DUSP14: variants seen among roughly 807,000 people sequenced by gnomAD.
The protein encoded by DUSP14 is dual specificity phosphatase 14.
DUSP14 carries 5 observed loss-of-function variants against 13.2 expected under a neutral mutation model. The observed-to-expected ratio is 0.38, with a 90% CI of 0.20 to 0.80. The LOEUF (loss-of-function observed/expected upper bound fraction) is 0.80. Among genes scored for constraint, DUSP14 ranks in the 30% least tolerant of loss-of-function variants. The pLI, the probability that DUSP14 is intolerant of heterozygous loss-of-function variation, is 0.44. For missense variants in DUSP14, 185 were observed against 264.0 expected (o/e 0.70, Z 2.07); for synonymous variants, 91 against 103.4 (o/e 0.88, Z 0.73).
intron 1 of DUSP14, among the ~76,000 whole-genome samples, chr17:37,498,369 C>T (rs2054080906): frequency 7.7e-6 from 1 of 129,622 alleles, no homozygotes; most frequent in Non-Finnish European, 1.5e-5. Flanking sequence ...CTCTGTCGCC[C>T]AGGCTGGAGT....
chr17:37,511,002 ATATC>A (rs912141750), intron 2 of DUSP14, among the ~76,000 whole-genome samples: 1 of 146,380 alleles, frequency 6.8e-6, no homozygotes, highest in African/African-American at 2.5e-5. Context: ...TATATAATAT[ATATC>A]AATATATATG....
intron 1 of DUSP14, among the ~76,000 whole-genome samples, chr17:37,509,146 C>A: frequency 2.3e-5 from 1 of 43,852 alleles, no homozygotes; most frequent in Non-Finnish European, 3.7e-5. Context: ...CACACACACA[C>A]ACACACACAC....
chr17:37,496,915 C>CAAA (rs71135730), intron 1 of DUSP14, among the ~76,000 whole-genome samples: 1 of 98,640 alleles, frequency 1.0e-5, no homozygotes, highest in Non-Finnish European at 2.0e-5. Context: ...GACTCTGTCT[C>CAAA]AAAAAAAAAA....
At chr17:37,500,817 CTTG>C (rs1271222229) in intron 1 of DUSP14, among the ~76,000 whole-genome samples, 1 of 152,202 alleles carries the variant, frequency 6.6e-6, no homozygotes, top group Non-Finnish European at 1.5e-5. Flanking sequence ...CGAAGACCAT[CTTG>C]TACCACCAAC....
intron 1 of DUSP14, among the ~76,000 whole-genome samples, chr17:37,509,133 ACAC>A (rs2054159353): frequency 1.7e-4 from 6 of 35,314 alleles, no homozygotes; most frequent in Admixed American, 3.9e-4. Context: ...ATATATACAC[ACAC>A]ACACACACAC....
rs2054194666 is a variant in DUSP14 at position 37,512,316 on chromosome 17, C to A, written c.44C>A (p.Ala15Asp). The change falls in exon 3 of 3, where the codon GCC becomes GAC. Residue 15 changes from alanine to aspartate, a missense_variant. Coordinates refer to ENST00000617516, the MANE Select transcript of DUSP14 (RefSeq NM_007026.4). This position sits in a 1 kb window ranked among gnomAD's most constrained non-coding sequence, Gnocchi z 4.8. Reference sequence around the variant, plus strand: ...AGCACGCTACCAAGGACTCTCATGGCCCCTCGGATGATTTCCGAGGGAGAC... The same window carrying A: ...AGCACGCTACCAAGGACTCTCATGGACCCTCGGATGATTTCCGAGGGAGAC... Reference protein sequence around the residue: ...GHSTLPRTLMAPRMISEGDIG... With the variant: ...GHSTLPRTLMDPRMISEGDIG... 1 of 1,613,638 alleles carries A rather than the reference C, an allele frequency of 6.2e-7. No individual in the cohort carries two copies. The highest frequency in any genetic ancestry group is 8.5e-7 in the Non-Finnish European group (1 of 1,179,734).
intron 1 of DUSP14, among the ~76,000 whole-genome samples, chr17:37,508,970 G>A (rs1178031591): frequency 1.4e-5 from 2 of 144,902 alleles, no homozygotes; most frequent in Non-Finnish European, 3.0e-5. Flanking sequence ...TCATCAGTAG[G>A]TGAATGGATA....
At chr17:37,499,796 C>T (rs2054093607) in intron 1 of DUSP14, among the ~76,000 whole-genome samples, 2 of 152,314 alleles carry the variant, frequency 1.3e-5, no homozygotes, top group South Asian at 2.1e-4. Flanking sequence ...TCCCAAAGTG[C>T]TAGGATTACA....
intron 1 of DUSP14, among the ~76,000 whole-genome samples, chr17:37,495,066 G>A (rs1244974545): frequency 1.3e-5 from 2 of 152,230 alleles, no homozygotes; most frequent in African/African-American, 2.4e-5. Context: ...GAAGTCGTTA[G>A]TATGAGAACC....
intron 1 of DUSP14, among the ~76,000 whole-genome samples, chr17:37,496,805 A>G (rs907415576): frequency 3.2e-4 from 48 of 151,476 alleles, no homozygotes; most frequent in Admixed American, 4.6e-4. Context: ...AATCTCAGCT[A>G]CTTGGGAGAC....
chr17:37,499,839 T>C (rs2054093817), intron 1 of DUSP14, among the ~76,000 whole-genome samples: 1 of 152,234 alleles, frequency 6.6e-6, no homozygotes, highest in African/African-American at 2.4e-5. Context: ...CTAGAAATGT[T>C]TTACTAATTA....
At chr17:37,507,516 G>C (rs1364022967) in intron 1 of DUSP14, among the ~76,000 whole-genome samples, 1 of 152,286 alleles carries the variant, frequency 6.6e-6, no homozygotes, top group African/African-American at 2.4e-5. Context: ...GCAATGGCGC[G>C]ATCTCAGCTC....
chr17:37,509,126 TATACACACACAC>T lies in DUSP14; in HGVS notation c.-180-1549_-180-1538del, dbSNP rs1421301597. Among the ~76,000 whole-genome samples the T allele has an allele frequency of 4.5e-5, 2 of 44,536 alleles. 1 individual carries two copies. Among genetic ancestry groups the T allele is most frequent in the African/African-American group, 2.1e-4 (2 of 9,488 alleles). The allele number at this position is 44,536 out of a possible 152,430, so 29.2% of individuals were successfully genotyped here. A position where few individuals can be genotyped will look rare whatever the true frequency, so the allele number is the denominator to read the frequency against. On this transcript the variant is annotated intron_variant, in intron 1 of 2. Transcript: ENST00000617516. Reference sequence around the variant, plus strand: ...ACCCATATATATATATATATATATATATACACACACACACACACACACACACACACACACACA... The same window carrying T: ...ACCCATATATATATATATATATATATACACACACACACACACACACACACA...
rs1362540360 is a variant in DUSP14 at position 37,493,670 on chromosome 17, A to AT, written c.-181+3713dup. 7.0e-3 allele frequency among the ~76,000 whole-genome samples: 1,014 copies of AT among 145,484 alleles called. 5 individuals are homozygous for AT. Among genetic ancestry groups the AT allele is most frequent in the African/African-American group, 0.024 (952 of 40,102 alleles). ...AATATCTAATGGAATCCTTTCATCAATCTTTTTTTTTTTTTTTTGGAACAG... is the reference window on the plus strand; with the variant it reads ...AATATCTAATGGAATCCTTTCATCAATTCTTTTTTTTTTTTTTTTGGAACAG... On this transcript the variant is annotated intron_variant, in intron 1 of 2. Transcript: ENST00000617516.
intron 1 of DUSP14, among the ~76,000 whole-genome samples, chr17:37,495,585 C>A (rs140363557): frequency 6.6e-6 from 1 of 152,094 alleles, no homozygotes; most frequent in Non-Finnish European, 1.5e-5. Flanking sequence ...TGGCAGAGAG[C>A]GCCTTCAAAG....
Position 37,512,532 on chromosome 17 carries a change from G to A in DUSP14, c.260G>A (p.Gly87Glu), listed in dbSNP as rs774914101. The change falls in exon 3 of 3, where the codon GGA (glycine) becomes GAA (glutamate). Residue 87 changes from glycine (G) to glutamate (E), a missense_variant. By Grantham distance (98) the Gly-to-Glu change is moderately conservative. Coordinates refer to ENST00000617516, the MANE Select transcript of DUSP14 (RefSeq NM_007026.4). This position sits in a 1 kb window ranked among gnomAD's most constrained non-coding sequence, Gnocchi z 4.8. ...PLADMPHAPI[G>E]LYFDTVADKI... is the part of the protein sequence containing the mutation. ...GCTGACATGCCGCATGCCCCCATTG[G>A]ACTGTACTTTGACACCGTGGCTGAC... 3 of 1,614,146 alleles carry A rather than the reference G, an allele frequency of 1.9e-6. No individual in the cohort carries two copies. In the Admixed American group the frequency reaches 5.0e-5, roughly 27 times the overall value.
At position 37,493,518 on chromosome 17, in the gene DUSP14, A is replaced by G. The variant is rs74818499; in HGVS notation, c.-181+3560A>G. Reference sequence around the variant, plus strand: ...TTATGCTTGAATATTTTCTGAATGAATGAATAAAGGTCCCTGGGTAGTCCG... The same window carrying G: ...TTATGCTTGAATATTTTCTGAATGAGTGAATAAAGGTCCCTGGGTAGTCCG... On this transcript the variant is annotated intron_variant, in intron 1 of 2. Coordinates refer to ENST00000617516, the MANE Select transcript of DUSP14 (RefSeq NM_007026.4). Among the ~76,000 whole-genome samples the G allele has an allele frequency of 9.3e-3, 1,414 of 152,304 alleles. 24 individuals are homozygous for G. Among genetic ancestry groups the G allele is most frequent in the African/African-American group, 0.03 (1,232 of 41,546 alleles).
intron 1 of DUSP14, among the ~76,000 whole-genome samples, chr17:37,501,289 A>C (rs1400105233): frequency 6.6e-6 from 1 of 152,146 alleles, no homozygotes; most frequent in African/African-American, 2.4e-5. Context: ...TTTAATCTTC[A>C]GTTTGCACTT....
At chr17:37,507,203 C>T (rs757917300) in intron 1 of DUSP14, among the ~76,000 whole-genome samples, 10 of 152,132 alleles carry the variant, frequency 6.6e-5, no homozygotes, top group African/African-American at 9.7e-5. Flanking sequence ...TGCCCTCTGG[C>T]GGAAGTTGTT....
Sources: gnomAD v4.1 joint callset for allele counts (sites outside exome capture counted in the v4.1 genomes callset) on GRCh38, gnomAD v4.1.1 for gene constraint, Gnocchi (gnomAD v3.1) non-coding constraint, MANE v1.5 for transcripts, NCBI Gene and HGNC (gene_info 2026-07-23, HGNC 2026-07-21) for gene names.